Variants in RBFOX1 observed in about 807,000 individuals in gnomAD.
RBFOX1 encodes RNA binding protein fox-1 homolog 1.
Under a neutral mutation model 57.7 loss-of-function variants are expected in RBFOX1, and 8 were observed. That is an observed-to-expected ratio of 0.14 (90% confidence interval 0.08 to 0.25). RBFOX1 has a LOEUF of 0.25. RBFOX1 is among the 10% of genes least tolerant of loss of function. The probability of loss-of-function intolerance (pLI) is 1.00; values close to 1 mark genes in which losing one functional copy is unlikely to be tolerated. For synonymous variants in RBFOX1, 326 were observed against 222.4 expected (o/e 1.47, Z -4.15); for missense variants, 611 against 548.5 (o/e 1.11, Z -1.14).
chr16:5,348,536 G>A (rs2065193010), intron 1 of RBFOX1, among the ~76,000 whole-genome samples: 1 of 152,174 alleles, frequency 6.6e-6, no homozygotes, highest in Admixed American at 6.5e-5. Flanking sequence ...AAGAAGTGGA[G>A]GAGCCTGGGT....
intron 3 of RBFOX1, among the ~76,000 whole-genome samples, chr16:5,743,762 G>A (rs2052868279): frequency 6.6e-6 from 1 of 152,040 alleles, no homozygotes; most frequent in African/African-American, 2.4e-5. Context: ...TGGCTTGTCT[G>A]AAACTCCTGG....
At chr16:7,033,038 A>G (rs2043212943) in intron 3 of RBFOX1, among the ~76,000 whole-genome samples, 1 of 152,262 alleles carries the variant, frequency 6.6e-6, no homozygotes, top group African/African-American at 2.4e-5. Context: ...CTGTGTAGAG[A>G]CTGTCCACTA....
intron 2 of RBFOX1, among the ~76,000 whole-genome samples, chr16:6,424,676 T>C (rs954461127): frequency 6.6e-6 from 1 of 151,800 alleles, no homozygotes; most frequent in Non-Finnish European, 1.5e-5. Context: ...TCTACAAGGA[T>C]GTTCACTGCA....
intron 3 of RBFOX1, among the ~76,000 whole-genome samples, chr16:5,756,626 A>G (rs1355881612): frequency 6.6e-6 from 1 of 152,186 alleles, no homozygotes; most frequent in East Asian, 1.9e-4. Flanking sequence ...GGCACCATTT[A>G]TGCCTGCTGC....
intron 2 of RBFOX1, among the ~76,000 whole-genome samples, chr16:6,334,877 G>C (rs1370114489): frequency 2.0e-5 from 3 of 152,188 alleles, no homozygotes; most frequent in Non-Finnish European, 4.4e-5. Flanking sequence ...TGGTCAAAGA[G>C]GGAGAGATAT....
At chr16:6,170,651 C>A (rs887347040) in intron 1 of RBFOX1, among the ~76,000 whole-genome samples, 1 of 152,002 alleles carries the variant, frequency 6.6e-6, no homozygotes, top group African/African-American at 2.4e-5. Flanking sequence ...TTTAGGTAAA[C>A]CCGTGTCACG....
intron 1 of RBFOX1, among the ~76,000 whole-genome samples, chr16:5,460,088 G>GAGTGTAAAGTCGGCATGTTTTT (rs979499993): frequency 3.9e-5 from 6 of 152,140 alleles, no homozygotes; most frequent in South Asian, 4.1e-4. Flanking sequence ...AAGGAGCTAG[G>GAGTGTAAAGTCGGCATGTTTTT]AGTGTAAAGT....
At chr16:6,495,099 C>G (rs1164016720) in intron 2 of RBFOX1, among the ~76,000 whole-genome samples, 1 of 152,058 alleles carries the variant, frequency 6.6e-6, no homozygotes, top group African/African-American at 2.4e-5. Context: ...AATCAATGTC[C>G]CCGCTTTCTT....
intron 4 of RBFOX1, among the ~76,000 whole-genome samples, chr16:7,427,071 A>T (rs779325404): frequency 6.6e-6 from 1 of 152,142 alleles, no homozygotes; most frequent in East Asian, 1.9e-4. Context: ...CAATGAGAAC[A>T]CTTGGACACA....
At chr16:5,764,487 C>A (rs1269952558) in intron 3 of RBFOX1, among the ~76,000 whole-genome samples, 1 of 151,944 alleles carries the variant, frequency 6.6e-6, no homozygotes, top group Non-Finnish European at 1.5e-5. Flanking sequence ...TATAAATTAC[C>A]CAGGCTCAGG....
rs963206516 is a variant in RBFOX1 at position 7,712,826 on chromosome 16, G to C, written c.*2081G>C. The stretch of plus-strand genomic sequence containing the variant: ...GGAGAATAAATTTCTCCCAATTGCC[G>C]CCTCAGATTTCAAAATCCAGAATTT... On this transcript the variant is annotated 3_prime_UTR_variant, in exon 16 of 16. Coordinates refer to ENST00000550418, the MANE Select transcript of RBFOX1 (RefSeq NM_018723.4). 6.6e-6 allele frequency: 1 copy of C among 152,176 alleles called. No homozygotes were observed. The highest frequency in any genetic ancestry group is 1.5e-5 in the Non-Finnish European group (1 of 68,030). 9.4% of individuals were successfully genotyped at this position (152,176 alleles called of 1,614,324 possible). A position where few individuals can be genotyped will look rare whatever the true frequency, so the allele number is the denominator to read the frequency against.
At chr16:7,418,787 T>C (rs918050091) in intron 4 of RBFOX1, among the ~76,000 whole-genome samples, 4 of 149,106 alleles carry the variant, frequency 2.7e-5, no homozygotes, top group Admixed American at 2.6e-4. Context: ...TCTATCTCTG[T>C]CTTTCTCTGT....
At chr16:5,266,191 T>A (rs2062852842) in intron 1 of RBFOX1, among the ~76,000 whole-genome samples, 1 of 152,212 alleles carries the variant, frequency 6.6e-6, no homozygotes, top group Admixed American at 6.5e-5. Context: ...GGGTTTCAGC[T>A]GTGACACTGC....
chr16:5,309,144 C>T (rs1053116322), intron 1 of RBFOX1, among the ~76,000 whole-genome samples: 1 of 152,160 alleles, frequency 6.6e-6, no homozygotes, highest in African/African-American at 2.4e-5. Flanking sequence ...TCTTGCAGAT[C>T]CCTGACTTAA....
chr16:5,543,235 G>A (rs537866162), intron 2 of RBFOX1, among the ~76,000 whole-genome samples: 1 of 152,180 alleles, frequency 6.6e-6, no homozygotes, highest in African/African-American at 2.4e-5. Flanking sequence ...CCTAAAATGA[G>A]TAGAAACATG....
In RBFOX1 at chr16:7,397,440, A is replaced by G. The variant is rs566456840; in HGVS notation, c.28-120707A>G. ...TGAGTTAATTCCTCATACTTGTCACATAGGGGGCATACTAAGTCTTCCTGA... is the reference window on the plus strand; with the variant it reads ...TGAGTTAATTCCTCATACTTGTCACGTAGGGGGCATACTAAGTCTTCCTGA... On this transcript the variant is annotated intron_variant, in intron 4 of 15. Transcript: ENST00000550418. Among the ~76,000 whole-genome samples the G allele has an allele frequency of 9.9e-4, 151 of 152,150 alleles. 1 individual carries two copies. Among genetic ancestry groups the G allele is most frequent in the Non-Finnish European group, 1.2e-3 (81 of 68,034 alleles).
intron 3 of RBFOX1, among the ~76,000 whole-genome samples, chr16:6,906,559 G>T (rs754829297): frequency 1.3e-4 from 19 of 151,874 alleles, no homozygotes; most frequent in Non-Finnish European, 2.6e-4. Flanking sequence ...TTTGTTCTTT[G>T]TCAAGTTAAA....
chr16:5,452,931 G>A (rs1161711398), intron 1 of RBFOX1, among the ~76,000 whole-genome samples: 4 of 152,078 alleles, frequency 2.6e-5, no homozygotes, highest in Admixed American at 6.5e-5. Context: ...CACGCTCTGC[G>A]AAACCTTGAC....
At chr16:6,690,792 A>C (rs1181127092) in intron 3 of RBFOX1, among the ~76,000 whole-genome samples, 2 of 145,884 alleles carry the variant, frequency 1.4e-5, no homozygotes, top group East Asian at 4.0e-4. Context: ...AAGTACCATG[A>C]GCCAAGAAAG....
Sources: gnomAD v4.1 joint callset for allele counts (sites outside exome capture counted in the v4.1 genomes callset) on GRCh38, gnomAD v4.1.1 for gene constraint, MANE v1.5 for transcripts, NCBI Gene and HGNC (gene_info 2026-07-23, HGNC 2026-07-21) for gene names.